Variants in DST observed in about 807,000 individuals in gnomAD.
DST encodes dystonin, also known as bullous pemphigoid antigen.
A neutral mutation model predicts 875.2 loss-of-function variants in DST; 253 were observed. That is an observed-to-expected ratio of 0.29 (90% CI 0.26 to 0.32). DST has a LOEUF of 0.32. Among genes scored for constraint, DST ranks in the 10% least tolerant of loss-of-function variants. The pLI is 1.00. For missense variants in DST, 8,287 were observed against 9,111.6 expected (o/e 0.91, Z 3.68); for synonymous variants, 3,124 against 3,197.1 (o/e 0.98, Z 0.77).
At chr6:56,943,449 T>C (rs920081504) in intron 2 of DST, among the ~76,000 whole-genome samples, 1 of 149,206 alleles carries the variant, frequency 6.7e-6, no homozygotes, top group East Asian at 2.0e-4. Flanking sequence ...TTTTTTGAGA[T>C]AGATTTTCAC....
At chr6:56,785,270 G>A (rs574223352) in intron 4 of DST, among the ~76,000 whole-genome samples, 4 of 152,348 alleles carry the variant, frequency 2.6e-5, no homozygotes, top group Non-Finnish European at 5.9e-5. Context: ...ATTTAAGTCT[G>A]CAGAGGTTAC....
intron 4 of DST, among the ~76,000 whole-genome samples, chr6:56,777,279 G>A (rs1350302792): frequency 1.3e-5 from 2 of 152,102 alleles, no homozygotes; most frequent in Admixed American, 1.3e-4. Context: ...TAAGAAGTAA[G>A]AGAAATAAGT....
chr6:56,701,444 T>C (rs1191564152), intron 8 of DST, among the ~76,000 whole-genome samples: 1 of 152,054 alleles, frequency 6.6e-6, no homozygotes, highest in Non-Finnish European at 1.5e-5. Flanking sequence ...ATCCCTACTA[T>C]GAAAAATGCT....
intron 50 of DST, among the ~76,000 whole-genome samples, chr6:56,576,728 C>T (rs1253056315): frequency 1.3e-5 from 2 of 152,042 alleles, no homozygotes; most frequent in Non-Finnish European, 2.9e-5. Flanking sequence ...GGGATTAGCG[C>T]CCTTAGAAGA....
intron 72 of DST, among the ~76,000 whole-genome samples, chr6:56,512,390 C>A (rs1322909470): frequency 2.0e-5 from 3 of 152,170 alleles, no homozygotes; most frequent in Admixed American, 6.5e-5. Flanking sequence ...GGGTCAAAAC[C>A]AAAGCCACCC....
rs576492232 is a variant in DST at position 56,552,717 on chromosome 6, T to C, written c.16075A>G (p.Ile5359Val). The change falls in exon 61 of 104, where the codon ATA (isoleucine) becomes GTA (valine). Residue 5359 changes from isoleucine (I) to valine (V), a missense_variant. Physicochemically the swap from Ile to Val is conservative, Grantham distance 29. This residue lies in a region of DST where 1,513 missense variants were observed against 1,677.8 expected (regional missense o/e 0.90). Transcript: ENST00000680361. ...CTTAGTGTACTATGCTCTTGAGCTA[T>C]GGTTTCCACTTGTAATAAAACATCA... is the stretch of plus-strand genomic sequence containing the variant. The part of the protein sequence containing the change: ...TSDVLLQVET[I>V]AQEHSTLSQQ... The C allele has an allele frequency of 6.2e-7, 1 of 1,612,708 alleles. No homozygotes were observed. The highest frequency in any genetic ancestry group is 1.3e-5 in the African/African-American group (1 of 75,062).
chr6:56,576,818 C>T (rs1397247112), intron 50 of DST, among the ~76,000 whole-genome samples: 1 of 152,108 alleles, frequency 6.6e-6, no homozygotes, highest in Non-Finnish European at 1.5e-5. Context: ...GAAAAGGGCC[C>T]TCACCAGAAC....
In DST at chr6:56,468,934, T is replaced by TA. The variant is rs768292616; in HGVS notation, c.22569+47dup. ...AGCTTTAATGACTATGAATTAAAGTTAAAAAAAAATCATCAGGAACTTGAG... is the reference window on the plus strand; with the variant it reads ...AGCTTTAATGACTATGAATTAAAGTTAAAAAAAAAATCATCAGGAACTTGAG... On this transcript the variant is annotated intron_variant, in intron 98 of 103. Transcript: ENST00000680361. The TA allele has an allele frequency of 2.9e-4, 437 of 1,483,618 alleles. 1 individual carries two copies. Among genetic ancestry groups the TA allele is most frequent in the South Asian group, 5.9e-4 (47 of 79,724 alleles). 91.9% of individuals were successfully genotyped at this position (1,483,618 alleles called of 1,614,324 possible).
chr6:56,935,655 C>T (rs1304323966), intron 2 of DST, among the ~76,000 whole-genome samples: 2 of 152,114 alleles, frequency 1.3e-5, no homozygotes, highest in African/African-American at 2.4e-5. Context: ...TTGCCGGGCA[C>T]GGTAGCTCAC....
At chr6:56,575,903 T>C (rs1041022472) in intron 50 of DST, among the ~76,000 whole-genome samples, 4 of 152,060 alleles carry the variant, frequency 2.6e-5, no homozygotes, top group African/African-American at 9.7e-5. Context: ...CATCTTTTGT[T>C]TGAATGAGGT....
intron 33 of DST, 51 bp downstream of exon 33, chr6:56,627,948 G>T: frequency 6.5e-7 from 1 of 1,539,290 alleles, no homozygotes; most frequent in South Asian, 1.1e-5. Context: ...TGAGGAGCAT[G>T]ACTGACCAAA....
intron 10 of DST, among the ~76,000 whole-genome samples, chr6:56,663,235 C>T (rs538638367): frequency 1.3e-5 from 2 of 152,336 alleles, no homozygotes; most frequent in South Asian, 4.1e-4. Context: ...AAGCAGTGTA[C>T]ATTAACTCTA....
At chr6:56,526,623 T>G in intron 68 of DST, 56 bp from the exon 69 acceptor site, 1 of 1,521,054 alleles carries the variant, frequency 6.6e-7, no homozygotes, top group Non-Finnish European at 9.0e-7. Context: ...ACTTTTCCTT[T>G]AACTGTTCTT....
At chr6:56,665,577 C>T (rs148553112) in intron 10 of DST, among the ~76,000 whole-genome samples, 72 of 152,018 alleles carry the variant, frequency 4.7e-4, no homozygotes, top group African/African-American at 1.7e-3. Flanking sequence ...CAACCACCTC[C>T]GTTATGTAAA....
rs202228036 is a variant in DST, at chr6:56,482,893, T to C, written c.21208-16A>G. The C allele has an allele frequency of 6.8e-7, 1 of 1,466,798 alleles. No homozygotes were observed. The highest frequency in any genetic ancestry group is 1.4e-5 in the African/African-American group (1 of 70,184). 90.9% of individuals were successfully genotyped at this position (1,466,798 alleles called of 1,614,324 possible). On this transcript the variant is annotated splice_polypyrimidine_tract_variant and intron_variant, in intron 88 of 103. Coordinates refer to ENST00000680361, the MANE Select transcript of DST (RefSeq NM_001374736.1). ...TTTGGAAGGCCTAAGAAGACCATAT[T>C]TTGAAAAATTAATTTTAATTACAAA...
chr6:56,493,991 T>G lies in DST; in HGVS notation c.20394+19A>C. On this transcript the variant is annotated intron_variant, in intron 83 of 103. Transcript: ENST00000680361. ...AACAACTAAAACACTGATTCTATTA[T>G]ATTAATCAAAGCACATACTTTCCTT... The G allele has an allele frequency of 6.5e-7, 1 of 1,538,662 alleles. No individual in the cohort carries two copies. Among genetic ancestry groups the G allele is most frequent in the Non-Finnish European group, 8.8e-7 (1 of 1,139,850 alleles).
At chr6:56,598,163 C>A (rs1007270878) in intron 46 of DST, among the ~76,000 whole-genome samples, 157 bp from the exon 47 acceptor site, 1 of 152,188 alleles carries the variant, frequency 6.6e-6, no homozygotes, top group African/African-American at 2.4e-5. Context: ...AACCTCAGAG[C>A]AACAGGCAGT....
At chr6:56,673,630 A>C (rs2099113887) in intron 9 of DST, among the ~76,000 whole-genome samples, 1 of 152,240 alleles carries the variant, frequency 6.6e-6, no homozygotes, top group Admixed American at 6.5e-5. Context: ...TATTCTTGTT[A>C]AATAAGTTTC....
chr6:56,611,436 CCT>C (rs2098543903), intron 38 of DST, 70 bp downstream of exon 38: 4 of 1,017,490 alleles, frequency 3.9e-6, no homozygotes, highest in Middle Eastern at 4.0e-4. Flanking sequence ...AAATTTACCA[CCT>C]CTGTTTTGCT....
Sources: allele counts gnomAD v4.1 joint callset (sites outside exome capture counted in the v4.1 genomes callset), GRCh38; gene constraint gnomAD v4.1.1; regional missense constraint gnomAD v4.1.1; transcripts MANE v1.5; gene names NCBI Gene and HGNC (gene_info 2026-07-23, HGNC 2026-07-21).